Variants in VPS26A observed in about 807,000 individuals in gnomAD.
VPS26A encodes vacuolar protein sorting-associated protein 26A.
In VPS26A, 22 loss-of-function variants were observed where a neutral mutation model predicts 42.4. The ratio of observed to expected loss-of-function variants is 0.52; its 90% confidence interval spans 0.37 to 0.74. VPS26A has a LOEUF of 0.74. VPS26A is among the 30% of genes least tolerant of loss of function. The pLI is 0.00. For missense variants in VPS26A, 276 were observed against 379.2 expected (o/e 0.73, Z 2.26); for synonymous variants, 110 against 123.5 (o/e 0.89, Z 0.73).
chr10:69,131,762 G>A (rs1840784559), intron 1 of VPS26A, among the ~76,000 whole-genome samples: 1 of 152,088 alleles, frequency 6.6e-6, no homozygotes, highest in Non-Finnish European at 1.5e-5. Context: ...TTGTTATGTA[G>A]GACAGAATAT....
chr10:69,145,632 A>G (rs949953178), intron 2 of VPS26A, among the ~76,000 whole-genome samples: 1 of 152,076 alleles, frequency 6.6e-6, no homozygotes, highest in Non-Finnish European at 1.5e-5. Flanking sequence ...GCACTGTAAT[A>G]TACCACCTTT....
chr10:69,132,689 C>T (rs576212576), intron 1 of VPS26A, among the ~76,000 whole-genome samples: 2 of 152,180 alleles, frequency 1.3e-5, no homozygotes, highest in East Asian at 1.9e-4. Context: ...GTGATCCGCC[C>T]ACCTCAGCCT....
chr10:69,164,988 C>T (rs1422081082), intron 6 of VPS26A, among the ~76,000 whole-genome samples: 1 of 149,812 alleles, frequency 6.7e-6, no homozygotes, highest in African/African-American at 2.5e-5. Context: ...AGTGCAGTGG[C>T]GTGATCTCGG....
chr10:69,126,693 CTT>C (rs976180540), intron 1 of VPS26A, among the ~76,000 whole-genome samples: 4 of 152,006 alleles, frequency 2.6e-5, no homozygotes, highest in Non-Finnish European at 5.9e-5. Context: ...TTTACTTCCT[CTT>C]TAACATATCA....
chr10:69,165,644 C>T (rs886177403), intron 6 of VPS26A, among the ~76,000 whole-genome samples: 3 of 151,898 alleles, frequency 2.0e-5, no homozygotes, highest in African/African-American at 7.2e-5. Context: ...CCATCTCTAT[C>T]CCAAAAAATA....
At chr10:69,145,005 TC>T (rs1244804967) in intron 2 of VPS26A, among the ~76,000 whole-genome samples, 1 of 152,054 alleles carries the variant, frequency 6.6e-6, no homozygotes, top group Non-Finnish European at 1.5e-5. Flanking sequence ...CTGTTTTTTT[TC>T]CTCCTATAAA....
At chr10:69,155,380 T>A (rs1381749645) in intron 2 of VPS26A, among the ~76,000 whole-genome samples, 2 of 152,210 alleles carry the variant, frequency 1.3e-5, no homozygotes, top group Non-Finnish European at 2.9e-5. Flanking sequence ...GTTGTGTGGA[T>A]GTTAGTCTTG....
At chr10:69,154,887 G>GCA (rs1161727967) in intron 2 of VPS26A, among the ~76,000 whole-genome samples, 1 of 151,092 alleles carries the variant, frequency 6.6e-6, no homozygotes, top group Non-Finnish European at 1.5e-5. Flanking sequence ...GTGTGTGCGC[G>GCA]CACGCGCACG....
At chr10:69,135,600 T>A (rs570415878) in intron 2 of VPS26A, among the ~76,000 whole-genome samples, 23 of 152,288 alleles carry the variant, frequency 1.5e-4, no homozygotes, top group Middle Eastern at 3.4e-3. Flanking sequence ...ATAATTTTTT[T>A]AAAAATTACA....
intron 2 of VPS26A, among the ~76,000 whole-genome samples, chr10:69,152,801 G>C (rs1021676279): frequency 1.1e-4 from 17 of 151,664 alleles, no homozygotes; most frequent in Non-Finnish European, 2.4e-4. Flanking sequence ...AACCCCGTCT[G>C]TACTAAAAAT....
At chr10:69,128,618 T>G (rs185973301) in intron 1 of VPS26A, among the ~76,000 whole-genome samples, 3 of 152,300 alleles carry the variant, frequency 2.0e-5, no homozygotes, top group African/African-American at 7.2e-5. Context: ...TAATATTTCC[T>G]TTTCTCTGTA....
rs1355136132 is a variant in VPS26A, at chr10:69,173,728, A to G, written c.*2459A>G. Reference sequence around the variant, plus strand: ...AAAACGCACCAATCAGGCTGGGCACAGTGGCTCACGCCTGTAATCCCAGCA... The same window carrying G: ...AAAACGCACCAATCAGGCTGGGCACGGTGGCTCACGCCTGTAATCCCAGCA... On this transcript the variant is annotated 3_prime_UTR_variant, in exon 9 of 9. Coordinates refer to ENST00000263559, the MANE Select transcript of VPS26A (RefSeq NM_004896.5). Among the ~76,000 whole-genome samples, 3 of 152,222 alleles carry G rather than the reference A, an allele frequency of 2.0e-5. No individual in the cohort carries two copies. The highest frequency in any genetic ancestry group is 7.2e-5 in the African/African-American group (3 of 41,452).
At position 69,124,246 on chromosome 10, in the gene VPS26A, G is replaced by A. The variant is rs1282231746; in HGVS notation, c.-32G>A. 3 of 1,284,548 alleles carry A rather than the reference G, an allele frequency of 2.3e-6. No individual in the cohort carries two copies. Among genetic ancestry groups the A allele is most frequent in the East Asian group, 3.0e-5 (1 of 33,788 alleles). The allele number at this position is 1,284,548 out of a possible 1,614,324, so 79.6% of individuals were successfully genotyped here. On this transcript the variant is annotated 5_prime_UTR_variant, in exon 1 of 9. Transcript: ENST00000263559. ...GGAGTTCTCCTGAGGGAAGAGGAGT[G>A]GAGTAGGGGGGACGCGGCGGCGGCG...
At chr10:69,134,804 A>G (rs1212822145) in intron 2 of VPS26A, among the ~76,000 whole-genome samples, 1 of 152,160 alleles carries the variant, frequency 6.6e-6, no homozygotes, top group Non-Finnish European at 1.5e-5. Flanking sequence ...AGATGAAAAA[A>G]GAAAAAGGCC....
chr10:69,136,505 C>T (rs541709816), intron 2 of VPS26A, among the ~76,000 whole-genome samples: 5 of 151,854 alleles, frequency 3.3e-5, no homozygotes, highest in South Asian at 2.1e-4. Flanking sequence ...CTTCTGACCT[C>T]GTGATCCGCC....
chr10:69,157,474 G>A (rs781332054), intron 4 of VPS26A, among the ~76,000 whole-genome samples: 5 of 152,070 alleles, frequency 3.3e-5, no homozygotes, highest in Non-Finnish European at 7.4e-5. Context: ...ATCTCCTTTA[G>A]TATATGGTTC....
chr10:69,130,906 T>C (rs1359548014), intron 1 of VPS26A, among the ~76,000 whole-genome samples: 3 of 152,254 alleles, frequency 2.0e-5, no homozygotes, highest in Admixed American at 6.5e-5. Context: ...TGTATGAATA[T>C]ATACTAAATT....
chr10:69,157,082 C>T lies in VPS26A; in HGVS notation c.305C>T (p.Thr102Ile), dbSNP rs570302033. The T allele has an allele frequency of 9.3e-6, 15 of 1,613,634 alleles. No individual in the cohort carries two copies. The African/African-American group carries it at 1.9e-4, about 20-fold the overall frequency. ...VKELALPGEL[T>I]QSRSYDFEFM... is the part of the protein sequence containing the mutation. ...GAACTAGCCTTACCTGGAGAACTGA[C>T]TCAGAGCAGAAGTTATGATTTTGAA... Residue 102 changes from threonine to isoleucine, a missense_variant, in exon 4 of 9, where the codon ACT (threonine) becomes ATT (isoleucine). Physicochemically the swap from Thr to Ile is moderately conservative, Grantham distance 89 (BLOSUM62 -1). Transcript: ENST00000263559.
At chr10:69,125,948 C>T (rs984821973) in intron 1 of VPS26A, among the ~76,000 whole-genome samples, 1 of 152,086 alleles carries the variant, frequency 6.6e-6, no homozygotes, top group African/African-American at 2.4e-5. Context: ...ATGAAAAATC[C>T]TAAATTAACC....
Sources: allele counts gnomAD v4.1 joint callset (sites outside exome capture counted in the v4.1 genomes callset), GRCh38; gene constraint gnomAD v4.1.1; transcripts MANE v1.5; gene names NCBI Gene and HGNC (gene_info 2026-07-23, HGNC 2026-07-21).